PSMD8: variants seen among roughly 807,000 people sequenced by gnomAD.
PSMD8 encodes the protein 26S proteasome non-ATPase regulatory subunit 8.
A neutral mutation model predicts 40.0 loss-of-function variants in PSMD8; 30 were observed. The observed-to-expected ratio is 0.75, with a 90% CI of 0.56 to 1.02. The LOEUF is 1.02. PSMD8 is among the 50% of genes least tolerant of loss of function. The pLI is 0.00. For synonymous variants in PSMD8, 208 were observed against 192.5 expected (o/e 1.08, Z -0.67); for missense variants, 461 against 463.9 (o/e 0.99, Z 0.06).
intron 3 of PSMD8, among the ~76,000 whole-genome samples, chr19:38,376,814 C>G (rs992964778): frequency 2.6e-5 from 4 of 152,244 alleles, no homozygotes; most frequent in Non-Finnish European, 5.9e-5. Flanking sequence ...CGTGGCTCTT[C>G]ATGGTCCTCA....
At chr19:38,377,589 C>A (rs560619923) in intron 3 of PSMD8, among the ~76,000 whole-genome samples, 1 of 152,064 alleles carries the variant, frequency 6.6e-6, no homozygotes, top group African/African-American at 2.4e-5. Context: ...CTCTGCCTCC[C>A]GGGTTCAAGC....
Position 38,376,432 on chromosome 19 carries a change from A to C in PSMD8, c.514A>C (p.Lys172Gln). The C allele has an allele frequency of 1.3e-6, 2 of 1,551,790 alleles. No homozygotes were observed. Among genetic ancestry groups the C allele is most frequent in the Non-Finnish European group, 1.7e-6 (2 of 1,146,862 alleles). The change falls in exon 3 of 7, where the codon AAA (lysine) becomes CAA (glutamine). Residue 172 changes from lysine to glutamine, a missense_variant. This residue lies in a region of PSMD8 where 236 missense variants were observed against 321.2 expected (regional missense o/e 0.73). Coordinates refer to ENST00000215071, the MANE Select transcript of PSMD8 (RefSeq NM_002812.5). ...CTTCGAGCGCTACATGGCCCAGCTC[A>C]AATGCTACTACTTTGATTACAAGTG... ...PSFERYMAQLKCYYFDYKEQL... is the reference protein window; with the variant it reads ...PSFERYMAQLQCYYFDYKEQL...
intron 4 of PSMD8, 34 bp from the exon 5 acceptor site, chr19:38,380,865 A>G: frequency 6.7e-7 from 1 of 1,497,164 alleles, no homozygotes. Flanking sequence ...CCTCCTCTTC[A>G]TTCTCTCTTC....
chr19:38,376,502 T>G, intron 3 of PSMD8, 48 bp downstream of exon 3: 1 of 1,456,046 alleles, frequency 6.9e-7, no homozygotes, highest in Non-Finnish European at 9.4e-7. Context: ...GCATGGAAGC[T>G]CCTTTATTTC....
intron 3 of PSMD8, among the ~76,000 whole-genome samples, chr19:38,377,966 A>T (rs1367794979): frequency 6.6e-6 from 1 of 152,222 alleles, no homozygotes; most frequent in Non-Finnish European, 1.5e-5. Flanking sequence ...GTTATAGCTA[A>T]CACTTTGTGT....
intron 1 of PSMD8, chr19:38,375,544 G>T: frequency 5.8e-6 from 1 of 172,408 alleles, no homozygotes; most frequent in South Asian, 1.1e-4. Context: ...TTAAGACCAG[G>T]CTGGGTTAGG....
chr19:38,376,596 G>T lies in PSMD8; in HGVS notation c.536+142G>T, dbSNP rs909029359. The T allele has an allele frequency of 4.3e-5, 33 of 762,290 alleles. No homozygotes were observed. The South Asian group carries it at 5.3e-4, about 12-fold the overall frequency. 47.2% of individuals were successfully genotyped at this position (762,290 alleles called of 1,614,324 possible). A position where few individuals can be genotyped will look rare whatever the true frequency, so the allele number is the denominator to read the frequency against. Reference sequence around the variant, plus strand: ...CTCTCCTCAGTGGTGCAGGGTCAGGGCTTGGCTTGGAGGTCCTGAGACTTG... The same window carrying T: ...CTCTCCTCAGTGGTGCAGGGTCAGGTCTTGGCTTGGAGGTCCTGAGACTTG... On this transcript the variant is annotated intron_variant, in intron 3 of 6. Transcript: ENST00000215071.
At position 38,374,668 on chromosome 19, in the gene PSMD8, C is replaced by T; in HGVS notation, c.67C>T (p.Leu23=). 6.5e-7 allele frequency: 1 copy of T among 1,535,912 alleles called. No individual in the cohort carries two copies. The highest frequency in any genetic ancestry group is 2.4e-5 in the East Asian group (1 of 40,860). ...GCGACGGCGGGCTACCCGGGGCGGG[C>T]TGAGGCAGGTTGTAGCCCCGCCCCG... The part of the protein sequence containing the change: ...RERRRATRGG[L]RQVVAPPRAL... The change falls in exon 1 of 7, where the codon CTG becomes TTG. Residue 23 remains leucine (L), a synonymous_variant. Transcript: ENST00000215071.
intron 5 of PSMD8, 110 bp from the exon 6 acceptor site, chr19:38,382,007 G>GC (rs1449620805): frequency 1.4e-6 from 1 of 709,350 alleles, no homozygotes. Flanking sequence ...ACATATTCCT[G>GC]CCATCAGTGC....
intron 4 of PSMD8, among the ~76,000 whole-genome samples, chr19:38,379,874 C>T (rs564449395): frequency 1.1e-4 from 17 of 151,556 alleles, no homozygotes; most frequent in South Asian, 8.4e-4. Context: ...GGCAGGAGGA[C>T]TGCTTGAGCC....
chr19:38,383,347 A>G lies in PSMD8; in HGVS notation c.1010A>G (p.Lys337Arg). The G allele has an allele frequency of 6.2e-7, 1 of 1,613,848 alleles. No homozygotes were observed. The highest frequency in any genetic ancestry group is 8.5e-7 in the Non-Finnish European group (1 of 1,179,868). ...DTTIPSTELA[K>R]QVIEYARQLE... is the part of the protein sequence containing the mutation. ...ACCATTCCCTCCACAGAACTGGCCA[A>G]ACAGGTCATCGAGTATGCCCGGCAG... The change falls in exon 7 of 7, where the codon AAA becomes AGA. Residue 337 changes from lysine to arginine, a missense_variant. By Grantham distance (26) the Lys-to-Arg change is conservative (BLOSUM62 2). Transcript: ENST00000215071.
chr19:38,383,323 C>A lies in PSMD8; in HGVS notation c.986C>A (p.Thr329Asn). ...ASQQQKPEDT[T>N]IPSTELAKQV... ...CAGCAGCAGAAGCCGGAAGACACCACCATTCCCTCCACAGAACTGGCCAAA... is the reference window on the plus strand; with the variant it reads ...CAGCAGCAGAAGCCGGAAGACACCAACATTCCCTCCACAGAACTGGCCAAA... The change falls in exon 7 of 7, where the codon ACC (threonine) becomes AAC (asparagine). Residue 329 changes from threonine (T) to asparagine (N), a missense_variant. Around this residue, in one of 2 missense-constraint regions of PSMD8, gnomAD observed 236 missense variants for 321.2 expected, o/e 0.73. Coordinates refer to ENST00000215071, the MANE Select transcript of PSMD8 (RefSeq NM_002812.5). The A allele has an allele frequency of 1.9e-6, 3 of 1,613,816 alleles. No individual in the cohort carries two copies. Among genetic ancestry groups the A allele is most frequent in the Non-Finnish European group, 2.5e-6 (3 of 1,179,882 alleles).
In PSMD8 at chr19:38,380,895, G is replaced by T. The variant is rs370997616; in HGVS notation, c.703-4G>T. 73 of 1,565,984 alleles carry T rather than the reference G, an allele frequency of 4.7e-5. No homozygotes were observed. Among genetic ancestry groups the T allele is most frequent in the Non-Finnish European group, 5.8e-5 (67 of 1,154,280 alleles). ...CTCTTCTTCCCCCTTCCCGGCTTCT[G>T]CAGTACCTGATGGAGGGCAGCTACA... On this transcript the variant is annotated splice_polypyrimidine_tract_variant and splice_region_variant and intron_variant, in intron 4 of 6. Transcript: ENST00000215071.
chr19:38,380,178 C>T (rs1422170679), intron 4 of PSMD8, among the ~76,000 whole-genome samples: 1 of 151,110 alleles, frequency 6.6e-6, no homozygotes, highest in Non-Finnish European at 1.5e-5. Flanking sequence ...CCCAGCTACT[C>T]GGGAGGCTGA....
chr19:38,375,052 C>T, intron 1 of PSMD8, 91 bp downstream of exon 1: 3 of 1,502,352 alleles, frequency 2.0e-6, no homozygotes, highest in South Asian at 1.3e-5. Flanking sequence ...GCCGCGGAAG[C>T]CACCTCGGTG....
chr19:38,379,255 G>A lies in PSMD8; in HGVS notation c.552G>A (p.Glu184=). The change falls in exon 4 of 7, where the codon GAG becomes GAA. Residue 184 remains glutamate (E), a synonymous_variant. Transcript: ENST00000215071. ...YYFDYKEQLP[E]SAYMHQLLGL... is the part of the protein sequence containing the mutation. ...ACGTCCACAGGGAGCAGCTCCCCGA[G>A]TCAGCCTATATGCACCAGCTCTTGG... 3.1e-6 allele frequency: 5 copies of A among 1,613,772 alleles called. No homozygotes were observed. Among genetic ancestry groups the A allele is most frequent in the Non-Finnish European group, 4.2e-6 (5 of 1,179,888 alleles).
chr19:38,375,076 G>T (rs1311277180), intron 1 of PSMD8, 115 bp downstream of exon 1: 9 of 1,452,342 alleles, frequency 6.2e-6, no homozygotes, highest in Non-Finnish European at 7.3e-6. Flanking sequence ...GCGAGACTGA[G>T]GCGGGCTGGG....
At chr19:38,383,209 C>T in intron 6 of PSMD8, 44 bp from the exon 7 acceptor site, 1 of 1,611,122 alleles carries the variant, frequency 6.2e-7, no homozygotes. Flanking sequence ...GGGATGGAGC[C>T]TTTGTGATCA....
intron 6 of PSMD8, chr19:38,382,772 G>A (rs761044583): frequency 5.6e-6 from 1 of 177,594 alleles, no homozygotes; most frequent in Non-Finnish European, 1.2e-5. Flanking sequence ...TTAGCCGGAT[G>A]TGGTGGCGGG....
Sources: allele counts gnomAD v4.1 joint callset (sites outside exome capture counted in the v4.1 genomes callset), GRCh38; gene constraint gnomAD v4.1.1; regional missense constraint gnomAD v4.1.1; transcripts MANE v1.5; gene names NCBI Gene and HGNC (gene_info 2026-07-23, HGNC 2026-07-21).